The following SYK variants were observed in gnomAD, a reference collection of about 807,000 sequenced individuals.
SYK encodes spleen associated tyrosine kinase.
In SYK, 16 loss-of-function variants were observed where a neutral mutation model predicts 77.8. The ratio of observed to expected loss-of-function variants is 0.21; its 90% confidence interval spans 0.14 to 0.31. The LOEUF (loss-of-function observed/expected upper bound fraction) is 0.31, where lower values mean the gene tolerates loss of function less well. SYK is among the 10% of genes least tolerant of loss of function. SYK has a pLI of 1.00. For missense variants in SYK, 529 were observed against 814.4 expected (o/e 0.65, Z 4.26); for synonymous variants, 312 against 308.7 (o/e 1.01, Z -0.11).
At chr9:90,878,443 T>A in intron 10 of SYK, among the ~76,000 whole-genome samples, 1 of 152,184 alleles carries the variant, frequency 6.6e-6, no homozygotes, top group African/African-American at 2.4e-5. Context: ...TCAGGGTTAG[T>A]TCTGTGACCT....
At chr9:90,847,842 C>T (rs555053848) in intron 3 of SYK, among the ~76,000 whole-genome samples, 1 of 152,260 alleles carries the variant, frequency 6.6e-6, no homozygotes, top group Non-Finnish European at 1.5e-5. Flanking sequence ...CTTTTCTTCT[C>T]TCTTCAGTGC....
chr9:90,823,459 T>A (rs1825581917), intron 1 of SYK, among the ~76,000 whole-genome samples: 1 of 152,196 alleles, frequency 6.6e-6, no homozygotes. Context: ...CTTCTCAAGC[T>A]CACTTGGAAT....
Position 90,831,796 on chromosome 9 carries a change from T to C in SYK, c.-41-12062T>C, listed in dbSNP as rs1038243736. On this transcript the variant is annotated intron_variant, in intron 1 of 13. Coordinates refer to ENST00000375754, the MANE Select transcript of SYK (RefSeq NM_003177.7). ...CTTGTTTTAGCTCTTATAAACACAT[T>C]TTCTTTTCTCTTGGCCCATTTAGTC... 3.9e-5 allele frequency among the ~76,000 whole-genome samples: 6 copies of C among 152,344 alleles called. No individual in the cohort carries two copies. The East Asian group carries it at 9.6e-4, about 24-fold the overall frequency.
Position 90,877,568 on chromosome 9 carries a change from C to T in SYK, c.1182-3C>T. On this transcript the variant is annotated splice_polypyrimidine_tract_variant and splice_region_variant and intron_variant, in intron 9 of 13. Coordinates refer to ENST00000375754, the MANE Select transcript of SYK (RefSeq NM_003177.7). ...TTCTTGTGTGTTATGATTTCTCTTG[C>T]AGAGTTGTGAAAACCGTGGCTGTGA... 6.2e-7 allele frequency: 1 copy of T among 1,614,068 alleles called. No homozygotes were observed. The highest frequency in any genetic ancestry group is 1.1e-5 in the South Asian group (1 of 91,072).
intron 1 of SYK, among the ~76,000 whole-genome samples, chr9:90,818,350 CA>C (rs953388184): frequency 4.6e-5 from 7 of 152,100 alleles, no homozygotes; most frequent in African/African-American, 1.7e-4. Flanking sequence ...TCAGAATGAC[CA>C]AAAAAGTTCC....
intron 3 of SYK, among the ~76,000 whole-genome samples, chr9:90,849,468 C>T (rs980175833): frequency 6.6e-6 from 1 of 152,162 alleles, no homozygotes; most frequent in Non-Finnish European, 1.5e-5. Flanking sequence ...TTTTGCTTTC[C>T]ACTTCCTGAC....
chr9:90,811,186 C>T (rs938948818), intron 1 of SYK, among the ~76,000 whole-genome samples: 12 of 151,574 alleles, frequency 7.9e-5, no homozygotes, highest in African/African-American at 2.9e-4. Context: ...TAAGCAAATC[C>T]CCATAAAATG....
chr9:90,850,091 C>T (rs1325647910), intron 3 of SYK, among the ~76,000 whole-genome samples: 1 of 152,214 alleles, frequency 6.6e-6, no homozygotes, highest in Admixed American at 6.5e-5. Context: ...CTTATCCTTC[C>T]CTTCTCTTCT....
chr9:90,887,363 C>G (rs890658750), intron 11 of SYK, among the ~76,000 whole-genome samples: 3 of 150,304 alleles, frequency 2.0e-5, no homozygotes, highest in Non-Finnish European at 4.4e-5. Flanking sequence ...AATAATGCTG[C>G]TATGAACATG....
intron 7 of SYK, 48 bp downstream of exon 7, chr9:90,867,247 C>A: frequency 1.3e-6 from 2 of 1,588,256 alleles, no homozygotes; most frequent in South Asian, 1.1e-5. Flanking sequence ...GTAGGACCAA[C>A]GCGCACTCAG....
At chr9:90,824,704 G>A (rs1248052881) in intron 1 of SYK, among the ~76,000 whole-genome samples, 8 of 151,372 alleles carry the variant, frequency 5.3e-5, no homozygotes, top group Admixed American at 2.0e-4. Flanking sequence ...CTTAAACTAG[G>A]AATAGAGGAA....
At chr9:90,832,977 C>T (rs530631830) in intron 1 of SYK, among the ~76,000 whole-genome samples, 2 of 152,318 alleles carry the variant, frequency 1.3e-5, no homozygotes, top group Admixed American at 6.5e-5. Flanking sequence ...GCTGCTCATA[C>T]GGCTGGTCAC....
intron 9 of SYK, 151 bp downstream of exon 9, chr9:90,875,000 G>T (rs290226): frequency 0.13 from 127,695 of 980,344 alleles, 9,777 homozygotes; most frequent in East Asian, 0.32. Context: ...TAATGAAAGC[G>T]TCCATTACCT....
intron 3 of SYK, among the ~76,000 whole-genome samples, chr9:90,859,410 T>C (rs1224528994): frequency 6.6e-6 from 1 of 152,252 alleles, no homozygotes; most frequent in Non-Finnish European, 1.5e-5. Flanking sequence ...GAGTGAGTTT[T>C]ATGTTTGTGA....
At chr9:90,836,236 G>A (rs531895561) in intron 1 of SYK, among the ~76,000 whole-genome samples, 35 of 150,338 alleles carry the variant, frequency 2.3e-4, no homozygotes, top group African/African-American at 7.4e-4. Flanking sequence ...GCAGTGAGCC[G>A]AGATTGTGCC....
intron 13 of SYK, 125 bp downstream of exon 13, chr9:90,888,752 AAAC>A: frequency 1.4e-6 from 1 of 714,706 alleles, no homozygotes. Flanking sequence ...CTTTCTAAAC[AAAC>A]AACGGTGGGG....
Position 90,897,655 on chromosome 9 carries a change from A to G in SYK, c.*2055A>G, listed in dbSNP as rs1829042873. 4.4e-6 allele frequency: 1 copy of G among 225,682 alleles called. No homozygotes were observed. Among genetic ancestry groups the G allele is most frequent in the Non-Finnish European group, 8.8e-6 (1 of 113,324 alleles). The allele number at this position is 225,682 out of a possible 1,614,324, so 14.0% of individuals were successfully genotyped here. ...TGTGATTTTTGGCCTTTTTATCAGC[A>G]CTTCTCCCCTCCCAGGAGCCTGGGG... On this transcript the variant is annotated 3_prime_UTR_variant, in exon 14 of 14. Coordinates refer to ENST00000375754, the MANE Select transcript of SYK (RefSeq NM_003177.7).
intron 1 of SYK, among the ~76,000 whole-genome samples, chr9:90,841,435 T>TGTGTGTAGTGTGTC (rs1309245649): frequency 3.3e-5 from 5 of 151,258 alleles, no homozygotes; most frequent in Non-Finnish European, 5.9e-5. Context: ...TGTAGTGTGT[T>TGTGTGTAGTGTGTC]GTGTGTGTAG....
At chr9:90,826,882 G>T (rs1336391990) in intron 1 of SYK, among the ~76,000 whole-genome samples, 4 of 152,072 alleles carry the variant, frequency 2.6e-5, no homozygotes. Flanking sequence ...AGGAGGCCTG[G>T]GAACAGGGAC....
Sources: allele counts gnomAD v4.1 joint callset (sites outside exome capture counted in the v4.1 genomes callset), GRCh38; gene constraint gnomAD v4.1.1; transcripts MANE v1.5; gene names NCBI Gene and HGNC (gene_info 2026-07-23, HGNC 2026-07-21).